The following PAK6 variants were observed in gnomAD, a reference collection of about 807,000 sequenced individuals.
PAK6 encodes serine/threonine-protein kinase PAK 6.
In PAK6, 33 loss-of-function variants were observed where a neutral mutation model predicts 60.8. The observed-to-expected ratio is 0.54, with a 90% confidence interval of 0.41 to 0.73. PAK6 has a LOEUF of 0.73. Ranked by LOEUF, PAK6 falls within the 30% of genes least tolerant of loss-of-function variation. The pLI, the probability that PAK6 is intolerant of heterozygous loss-of-function variation, is 0.00. For missense variants in PAK6, 845 were observed against 904.1 expected (o/e 0.93, Z 0.84); for synonymous variants, 404 against 378.5 (o/e 1.07, Z -0.78).
At chr15:40,263,311 T>G (rs1295615897) in intron 3 of PAK6, among the ~76,000 whole-genome samples, 1 of 152,184 alleles carries the variant, frequency 6.6e-6, no homozygotes, top group Non-Finnish European at 1.5e-5. Flanking sequence ...AAGTGACCTT[T>G]TCAGATACAT....
exon 5 of PAK6, chr15:40,266,226 G>A (rs765293693): frequency 1.2e-6 from 2 of 1,610,130 alleles, no homozygotes; most frequent in Non-Finnish European, 1.7e-6. Flanking sequence ...GCAGCTGGGT[G>A]CCTGCCTGCA....
At chr15:40,272,114 CG>C in intron 5 of PAK6, 109 bp from the exon 6 acceptor site, 1 of 1,240,482 alleles carries the variant, frequency 8.1e-7, no homozygotes, top group South Asian at 1.4e-5. Context: ...TCTGATACCC[CG>C]CCTGACCCTG....
At position 40,273,693 on chromosome 15, in the gene PAK6, C is replaced by A; in HGVS notation, c.1743+17C>A. On this transcript the variant is annotated intron_variant, in intron 9 of 10. Transcript: ENST00000560346. ...GCCACTGAGGTAACCGTTCCCTCCA[C>A]CCCCCAGACCTCCCAAAAGCAACTT... 6.2e-7 allele frequency: 1 copy of A among 1,607,840 alleles called. No individual in the cohort carries two copies. The highest frequency in any genetic ancestry group is 8.5e-7 in the Non-Finnish European group (1 of 1,176,340).
At chr15:40,272,203 C>T (rs544791926) in intron 5 of PAK6, 21 bp from the exon 6 acceptor site, 2 of 1,594,542 alleles carry the variant, frequency 1.3e-6, no homozygotes, top group Non-Finnish European at 1.7e-6. Context: ...CCTGACCCTT[C>T]CTGTTGCTTT....
intron 3 of PAK6, chr15:40,264,356 G>A (rs1030418682): frequency 2.2e-6 from 1 of 447,446 alleles, no homozygotes; most frequent in African/African-American, 2.0e-5. Flanking sequence ...TCCTTATCTG[G>A]TTTTAAGAAT....
intron 10 of PAK6, among the ~76,000 whole-genome samples, chr15:40,275,090 G>A (rs974719601): frequency 1.3e-5 from 2 of 152,110 alleles, no homozygotes; most frequent in African/African-American, 4.8e-5. Context: ...TAATTCCTCA[G>A]AGGATGTAGC....
At chr15:40,258,469 TTC>T (rs901367169) in intron 3 of PAK6, 2 of 152,254 alleles carry the variant, frequency 1.3e-5, no homozygotes, top group Non-Finnish European at 2.9e-5. Flanking sequence ...TAACAATTCC[TTC>T]TCTCAGGGTT....
intron 2 of PAK6, among the ~76,000 whole-genome samples, chr15:40,241,699 G>A (rs1000541237): frequency 3.3e-5 from 5 of 152,168 alleles, no homozygotes; most frequent in Non-Finnish European, 7.4e-5. Context: ...CCAGTGCCCC[G>A]AGGACAAACT....
At chr15:40,257,904 G>A (rs922099671) in intron 3 of PAK6, among the ~76,000 whole-genome samples, 9 of 152,120 alleles carry the variant, frequency 5.9e-5, no homozygotes, top group Non-Finnish European at 1.0e-4. Context: ...AGTAGCATCC[G>A]CCACAAAACT....
exon 11 of PAK6, chr15:40,276,335 T>C (rs2039454322): frequency 3.8e-6 from 2 of 527,590 alleles, no homozygotes; most frequent in Admixed American, 3.5e-5. Flanking sequence ...CCTTGATATT[T>C]GCACAGGGAT....
intron 2 of PAK6, among the ~76,000 whole-genome samples, chr15:40,241,058 C>T (rs533725044): frequency 3.9e-5 from 6 of 152,190 alleles, no homozygotes; most frequent in Non-Finnish European, 7.3e-5. Context: ...TCCCAGGCTC[C>T]AAGTCACACC....
chr15:40,240,783 C>A (rs2038306751), intron 2 of PAK6, 102 bp downstream of exon 2: 1 of 375,222 alleles, frequency 2.7e-6, no homozygotes, highest in Non-Finnish European at 5.3e-6. Context: ...AGGCTAACTC[C>A]ACAGCTGTGG....
intron 3 of PAK6, among the ~76,000 whole-genome samples, chr15:40,261,342 T>A (rs1378760806): frequency 6.6e-6 from 1 of 151,408 alleles, no homozygotes; most frequent in Non-Finnish European, 1.5e-5. Flanking sequence ...ATCGAGACCA[T>A]CCTGGCCAAC....
chr15:40,273,561 C>G, exon 9 of PAK6: 7 of 1,613,948 alleles, frequency 4.3e-6, no homozygotes, highest in Non-Finnish European at 5.9e-6. Flanking sequence ...GTGAAGCTCT[C>G]GGACTTCGGA....
chr15:40,255,631 G>A (rs1451970323), intron 3 of PAK6, among the ~76,000 whole-genome samples: 2 of 152,320 alleles, frequency 1.3e-5, no homozygotes, highest in Middle Eastern at 3.4e-3. Context: ...AGGATAGGGT[G>A]CTGGGGTGCC....
At chr15:40,274,473 G>A (rs1300110577) in intron 10 of PAK6, among the ~76,000 whole-genome samples, 197 bp downstream of exon 10, 2 of 152,246 alleles carry the variant, frequency 1.3e-5, no homozygotes, top group Non-Finnish European at 2.9e-5. Flanking sequence ...TGTGCGCTCC[G>A]ACAAGTCGCC....
intron 3 of PAK6, among the ~76,000 whole-genome samples, chr15:40,253,960 G>A (rs2038765409): frequency 6.6e-6 from 1 of 152,162 alleles, no homozygotes; most frequent in Admixed American, 6.5e-5. Flanking sequence ...GTCCATGCTC[G>A]TTTTTGGTGG....
exon 11 of PAK6, chr15:40,277,015 C>A (rs1053432713): frequency 6.6e-6 from 1 of 152,134 alleles, no homozygotes; most frequent in African/African-American, 2.4e-5. Flanking sequence ...CTGTACTGTG[C>A]ATCGTGAGGG....
chr15:40,257,827 A>G (rs539924077), intron 3 of PAK6, among the ~76,000 whole-genome samples: 1 of 151,644 alleles, frequency 6.6e-6, no homozygotes, highest in Non-Finnish European at 1.5e-5. Context: ...TGCTTTTCTC[A>G]TCTGTGGACA....
Sources: allele counts gnomAD v4.1 joint callset (sites outside exome capture counted in the v4.1 genomes callset), GRCh38; gene constraint gnomAD v4.1.1; transcripts MANE v1.5; gene names NCBI Gene and HGNC (gene_info 2026-07-23, HGNC 2026-07-21).